The following CHST7 variants were observed in gnomAD, a reference collection of about 807,000 sequenced individuals.
CHST7 encodes the protein N-acetylglucosamine 6-O-sulfotransferase 4.
A neutral mutation model predicts 9.0 loss-of-function variants in CHST7; 5 were observed. That is an observed-to-expected ratio of 0.56 (90% CI 0.29 to 1.17). The LOEUF is 1.17. Ranked by LOEUF, CHST7 falls within the 50% of genes most tolerant of loss-of-function variation. The pLI is 0.08. For missense variants in CHST7, 377 were observed against 485.1 expected (o/e 0.78, Z 2.09); for synonymous variants, 244 against 237.1 (o/e 1.03, Z -0.27).
In CHST7 at chrX:46,575,128, A is replaced by C. The variant is rs1432394236; in HGVS notation, c.1197A>C (p.Ala399=). ...LLRFSGLRAL[A]ALDAFALNMT... ...GCTTCTCCGGGCTACGCGCGCTCGC[A>C]GCGCTCGATGCCTTCGCGCTCAACA... Residue 399 remains alanine, a synonymous_variant, in exon 1 of 2, where the codon GCA becomes GCC. Coordinates refer to ENST00000276055, the MANE Select transcript of CHST7 (RefSeq NM_019886.4). The C allele has an allele frequency of 1.8e-6, 2 of 1,101,487 alleles. No homozygotes were observed. Among genetic ancestry groups the C allele is most frequent in the Admixed American group, 3.5e-5 (1 of 28,882 alleles). The allele number at this position is 1,101,487 out of a possible 1,213,427, so 90.8% of individuals were successfully genotyped here. A position where few individuals can be genotyped will look rare whatever the true frequency, so the allele number is the denominator to read the frequency against.
At chrX:46,580,058 ATTTTT>A (rs56904751) in intron 1 of CHST7, among the ~76,000 whole-genome samples, 3 of 89,375 alleles carry the variant, frequency 3.4e-5, no homozygotes, top group African/African-American at 4.4e-5. Context: ...AAGAATGGGC[ATTTTT>A]TTTTTTTTTT....
At chrX:46,578,730 T>C (rs189205526) in intron 1 of CHST7, among the ~76,000 whole-genome samples, 1 of 109,748 alleles carries the variant, frequency 9.1e-6, no homozygotes, top group African/African-American at 3.3e-5. Context: ...CCAGCCTTAA[T>C]AAATTATAAC....
At chrX:46,577,152 C>G (rs1299139073) in intron 1 of CHST7, among the ~76,000 whole-genome samples, 1 of 77,052 alleles carries the variant, frequency 1.3e-5, no homozygotes, top group Admixed American at 1.8e-4. Flanking sequence ...TTCATTTTTA[C>G]TAACATCTAT....
At position 46,574,038 on chromosome X, in the gene CHST7, G is replaced by A; in HGVS notation, c.107G>A (p.Arg36His). ...LLVPSVLDGG[R>H]DGDKGAEHCP... ...GTCCCCTCCGTATTGGACGGCGGCC[G>A]CGACGGGGACAAGGGCGCCGAGCAC... The change falls in exon 1 of 2, where the codon CGC (arginine) becomes CAC (histidine). Residue 36 changes from arginine to histidine, a missense_variant. Around this residue, in one of 3 missense-constraint regions of CHST7, gnomAD observed 239 missense variants for 325.7 expected, o/e 0.73. Coordinates refer to ENST00000276055, the MANE Select transcript of CHST7 (RefSeq NM_019886.4). 1 of 1,163,250 alleles carries A rather than the reference G, an allele frequency of 8.6e-7. No individual in the cohort carries two copies. The highest frequency in any genetic ancestry group is 1.1e-6 in the Non-Finnish European group (1 of 876,036).
chrX:46,593,003 GTTA>G (rs1410919073), intron 1 of CHST7, among the ~76,000 whole-genome samples: 1 of 108,374 alleles, frequency 9.2e-6, no homozygotes, highest in Non-Finnish European at 1.9e-5. Context: ...CTATCTTTCT[GTTA>G]TTGACTTCTA....
intron 1 of CHST7, among the ~76,000 whole-genome samples, chrX:46,588,738 T>TA (rs779672607): frequency 1.8e-4 from 20 of 111,775 alleles, no homozygotes; most frequent in South Asian, 7.4e-4. Flanking sequence ...GCTTTTTTTT[T>TA]AAAGTGAAAG....
intron 1 of CHST7, among the ~76,000 whole-genome samples, chrX:46,590,207 C>A (rs1010307531): frequency 9.0e-6 from 1 of 111,491 alleles, no homozygotes; most frequent in Admixed American, 9.5e-5. Flanking sequence ...GTCTTTAAAG[C>A]CACCCAAGTG....
intron 1 of CHST7, among the ~76,000 whole-genome samples, chrX:46,596,404 C>T (rs1358722244): frequency 2.7e-5 from 3 of 110,430 alleles, no homozygotes; most frequent in Non-Finnish European, 5.7e-5. Flanking sequence ...CTCTGAAACA[C>T]GTGTACCTTT....
At chrX:46,595,925 G>T (rs57320325) in intron 1 of CHST7, among the ~76,000 whole-genome samples, 4,770 of 110,822 alleles carry the variant, frequency 0.043, 266 homozygotes, top group African/African-American at 0.15. Context: ...ATCACCTGGG[G>T]TGAGGAGTTC....
chrX:46,583,195 C>T (rs1408526793), intron 1 of CHST7, among the ~76,000 whole-genome samples: 5 of 111,640 alleles, frequency 4.5e-5, no homozygotes, highest in Non-Finnish European at 9.4e-5. Context: ...ATGAACCCCT[C>T]TCTTTGTGAG....
chrX:46,591,414 G>A (rs376539427), intron 1 of CHST7, among the ~76,000 whole-genome samples: 36 of 111,251 alleles, frequency 3.2e-4, no homozygotes, highest in African/African-American at 1.0e-3. Context: ...TCACTCTGTC[G>A]CGCAGGTTGG....
Position 46,598,365 on chromosome X carries a change from T to TAATC in CHST7, c.*639_*642dup, listed in dbSNP as rs1464575988. ...AAAATTTTTCTGTCTGGCGTTTTTG[T>TAATC]AATCATACTATTAAATGACTCTGGA... On this transcript the variant is annotated 3_prime_UTR_variant, in exon 2 of 2. Coordinates refer to ENST00000276055, the MANE Select transcript of CHST7 (RefSeq NM_019886.4). 8.9e-6 allele frequency: 1 copy of TAATC among 112,448 alleles called. No homozygotes were observed. The highest frequency in any genetic ancestry group is 9.4e-5 in the Admixed American group (1 of 10,612). 9.3% of individuals were successfully genotyped at this position (112,448 alleles called of 1,213,427 possible). A position where few individuals can be genotyped will look rare whatever the true frequency, so the allele number is the denominator to read the frequency against.
chrX:46,574,769 C>A lies in CHST7; in HGVS notation c.838C>A (p.Pro280Thr), dbSNP rs1450615925. 1 of 1,206,202 alleles carries A rather than the reference C, an allele frequency of 8.3e-7. No homozygotes were observed. The highest frequency in any genetic ancestry group is 1.8e-5 in the South Asian group (1 of 55,817). The change falls in exon 1 of 2, where the codon CCG becomes ACG. Residue 280 changes from proline to threonine, a missense_variant. Physicochemically the swap from Pro to Thr is conservative, Grantham distance 38. Transcript: ENST00000276055. Reference protein sequence around the residue: ...NLKVVQLFRDPRAVHNSRLKS... With the variant: ...NLKVVQLFRDTRAVHNSRLKS... Reference sequence around the variant, plus strand: ...GAAGGTGGTGCAGCTTTTCCGCGACCCGAGGGCGGTGCACAACTCGCGCCT... The same window carrying A: ...GAAGGTGGTGCAGCTTTTCCGCGACACGAGGGCGGTGCACAACTCGCGCCT...
Position 46,574,111 on chromosome X carries a change from G to T in CHST7, c.180G>T (p.Ala60=), listed in dbSNP as rs1290450605. The part of the protein sequence containing the change: ...RSLGVWSLEA[A]AAGEREQGAE... ...TGGGAGTGTGGAGCCTGGAGGCGGC[G>T]GCGGCCGGCGAACGCGAGCAGGGAG... The change falls in exon 1 of 2, where the codon GCG becomes GCT. Residue 60 remains alanine (A), a synonymous_variant. Coordinates refer to ENST00000276055, the MANE Select transcript of CHST7 (RefSeq NM_019886.4). The T allele has an allele frequency of 8.6e-7, 1 of 1,160,426 alleles. No individual in the cohort carries two copies. The highest frequency in any genetic ancestry group is 1.1e-6 in the Non-Finnish European group (1 of 871,770).
In CHST7 at chrX:46,574,160, G is replaced by T. The variant is rs750903362; in HGVS notation, c.229G>T (p.Gly77Trp). 1 of 1,175,539 alleles carries T rather than the reference G, an allele frequency of 8.5e-7. No homozygotes were observed. Among genetic ancestry groups the T allele is most frequent in the Non-Finnish European group, 1.1e-6 (1 of 876,424 alleles). ...QGAEARAAEE[G>W]GANQSPRFPS... ...AGCGGAGGCGCGGGCCGCCGAGGAA[G>T]GGGGCGCGAACCAGTCTCCTCGGTT... Residue 77 changes from glycine (G) to tryptophan (W), a missense_variant, in exon 1 of 2, where the codon GGG (glycine) becomes TGG (tryptophan). Transcript: ENST00000276055.
At chrX:46,576,458 T>A (rs1291032946) in intron 1 of CHST7, among the ~76,000 whole-genome samples, 1 of 111,651 alleles carries the variant, frequency 9.0e-6, no homozygotes, top group Non-Finnish European at 1.9e-5. Context: ...TGTTTTTTGT[T>A]TTTTTCTGTA....
intron 1 of CHST7, among the ~76,000 whole-genome samples, chrX:46,596,411 C>G (rs1024960002): frequency 4.5e-5 from 5 of 110,269 alleles, no homozygotes; most frequent in Admixed American, 3.9e-4. Flanking sequence ...ACACGTGTAC[C>G]TTTTCCTGTG....
chrX:46,576,075 T>A (rs1198415315), intron 1 of CHST7, among the ~76,000 whole-genome samples: 1 of 110,962 alleles, frequency 9.0e-6, no homozygotes, highest in Non-Finnish European at 1.9e-5. Flanking sequence ...ATTGTGTGTC[T>A]CAGGCGCTTG....
At position 46,574,408 on chromosome X, in the gene CHST7, G is replaced by A. The variant is rs771669492; in HGVS notation, c.477G>A (p.Ser159=). The A allele has an allele frequency of 8.3e-6, 10 of 1,208,131 alleles. No homozygotes were observed. The highest frequency in any genetic ancestry group is 5.3e-5 in the South Asian group (3 of 56,997). The change falls in exon 1 of 2, where the codon TCG becomes TCA. Residue 159 remains serine (S), a synonymous_variant. Coordinates refer to ENST00000276055, the MANE Select transcript of CHST7 (RefSeq NM_019886.4). ...GCGCGCTGCGCGACATGCTGCGTTC[G>A]CTCTTCCGCTGCGACTTCTCCGTGC... ...LQGALRDMLR[S]LFRCDFSVLR...
Sources: allele counts gnomAD v4.1 joint callset (sites outside exome capture counted in the v4.1 genomes callset), GRCh38; gene constraint gnomAD v4.1.1; regional missense constraint gnomAD v4.1.1; transcripts MANE v1.5; gene names NCBI Gene and HGNC (gene_info 2026-07-23, HGNC 2026-07-21).